The following DNAJC25 variants were observed in gnomAD, a reference collection of about 807,000 sequenced individuals.
DNAJC25 encodes the protein dnaJ homolog subfamily C member 25.
A neutral mutation model predicts 42.1 loss-of-function variants in DNAJC25; 26 were observed. The observed-to-expected ratio is 0.62, with a 90% CI of 0.45 to 0.86. The LOEUF (loss-of-function observed/expected upper bound fraction) is 0.86. DNAJC25 is among the 40% of genes least tolerant of loss of function. The probability of loss-of-function intolerance (pLI) is 0.00; values close to 1 mark genes in which losing one functional copy is unlikely to be tolerated. For synonymous variants in DNAJC25, 189 were observed against 179.9 expected (o/e 1.05, Z -0.40); for missense variants, 404 against 459.4 (o/e 0.88, Z 1.10).
chr9:111,652,699 G>A (rs528636159), intron 3 of DNAJC25, among the ~76,000 whole-genome samples: 25 of 151,528 alleles, frequency 1.6e-4, no homozygotes, highest in Non-Finnish European at 2.8e-4. Flanking sequence ...GTGCCACCAC[G>A]CCCAGCTAAT....
At chr9:111,636,187 C>T (rs952979870) in intron 1 of DNAJC25, among the ~76,000 whole-genome samples, 4 of 152,234 alleles carry the variant, frequency 2.6e-5, no homozygotes, top group South Asian at 2.1e-4. Flanking sequence ...TGATCAGGAA[C>T]GAAGTCACCA....
At chr9:111,640,762 C>G (rs1830442017) in intron 1 of DNAJC25, among the ~76,000 whole-genome samples, 1 of 111,138 alleles carries the variant, frequency 9.0e-6, no homozygotes, top group South Asian at 2.8e-4. Context: ...AGGAGCCTCT[C>G]CGCCCAGCAG....
intron 1 of DNAJC25, among the ~76,000 whole-genome samples, chr9:111,642,648 A>C (rs890729602): frequency 1.6e-4 from 22 of 137,156 alleles, no homozygotes; most frequent in Non-Finnish European, 3.1e-4. Flanking sequence ...TAAATAAAAA[A>C]TAAATGTAAA....
In DNAJC25 at chr9:111,653,587, T is replaced by A. The variant is rs778996195; in HGVS notation, c.*365T>A. 1 of 155,158 alleles carries A rather than the reference T, an allele frequency of 6.4e-6. No individual in the cohort carries two copies. Among genetic ancestry groups the A allele is most frequent in the Non-Finnish European group, 1.4e-5 (1 of 70,132 alleles). The allele number at this position is 155,158 out of a possible 1,614,324, so 9.6% of individuals were successfully genotyped here. A position where few individuals can be genotyped will look rare whatever the true frequency, so the allele number is the denominator to read the frequency against. Reference sequence around the variant, plus strand: ...TCTTTGAGAATGTTACCTTACTGTTTGTAATAGTGCTACATTTTTCTGCTT... The same window carrying A: ...TCTTTGAGAATGTTACCTTACTGTTAGTAATAGTGCTACATTTTTCTGCTT... On this transcript the variant is annotated 3_prime_UTR_variant, in exon 4 of 4. Transcript: ENST00000313525.
intron 1 of DNAJC25, among the ~76,000 whole-genome samples, chr9:111,645,799 T>G (rs1830561045): frequency 6.6e-6 from 1 of 151,306 alleles, no homozygotes; most frequent in Admixed American, 6.6e-5. Flanking sequence ...AAAAAAAACT[T>G]TTTTTTTTGG....
chr9:111,631,334 A>C lies in DNAJC25; in HGVS notation c.-74A>C. ...CGGCTGCTGACGTGTAGCTGGGGCC[A>C]GACGGGACTAGCCGGGCGCGCGGCT... On this transcript the variant is annotated 5_prime_UTR_variant, in exon 1 of 4. Transcript: ENST00000313525. The C allele has an allele frequency of 8.0e-7, 1 of 1,245,554 alleles. No homozygotes were observed. Among genetic ancestry groups the C allele is most frequent in the Non-Finnish European group, 1.0e-6 (1 of 997,304 alleles). The allele number at this position is 1,245,554 out of a possible 1,614,324, so 77.2% of individuals were successfully genotyped here. A position where few individuals can be genotyped will look rare whatever the true frequency, so the allele number is the denominator to read the frequency against.
At chr9:111,651,198 A>G (rs1453151996) in intron 3 of DNAJC25, among the ~76,000 whole-genome samples, 6 of 147,790 alleles carry the variant, frequency 4.1e-5, no homozygotes, top group African/African-American at 1.2e-4. Flanking sequence ...AGGGAGGCAG[A>G]GGTTGCAGTG....
At chr9:111,652,584 C>T (rs1407504887) in intron 3 of DNAJC25, among the ~76,000 whole-genome samples, 1 of 150,798 alleles carries the variant, frequency 6.6e-6, no homozygotes, top group African/African-American at 2.4e-5. Context: ...TCTTGTTGCC[C>T]AGGCTGGAGT....
rs771691965 is a variant in DNAJC25 at position 111,631,573 on chromosome 9, G to T, written c.166G>T (p.Val56Leu). The T allele has an allele frequency of 1.7e-5, 25 of 1,451,402 alleles. No homozygotes were observed. The Admixed American group carries it at 6.5e-4, about 38-fold the overall frequency. The allele number at this position is 1,451,402 out of a possible 1,614,324, so 89.9% of individuals were successfully genotyped here. Residue 56 changes from valine to leucine, a missense_variant, in exon 1 of 4, where the codon GTG (valine) becomes TTG (leucine). Transcript: ENST00000313525. ...GTRDCYEVLG[V>L]SRSAGKAEIA... ...GCGGGACTGCTACGAGGTGCTGGGC[G>T]TGAGCCGCTCGGCGGGCAAGGCGGA... is the stretch of plus-strand genomic sequence containing the variant.
chr9:111,647,390 A>C, intron 2 of DNAJC25, 131 bp downstream of exon 2: 1 of 1,187,962 alleles, frequency 8.4e-7, no homozygotes, highest in Non-Finnish European at 1.2e-6. Context: ...TGTTTTAGTC[A>C]TTGGCAATGT....
At position 111,649,470 on chromosome 9, in the gene DNAJC25, T is replaced by C; in HGVS notation, c.507T>C (p.Asn169=). 6.3e-7 allele frequency: 1 copy of C among 1,579,090 alleles called. No individual in the cohort carries two copies. Among genetic ancestry groups the C allele is most frequent in the Non-Finnish European group, 8.6e-7 (1 of 1,167,942 alleles). The change falls in exon 3 of 4, where the codon AAT becomes AAC. Residue 169 remains asparagine, a synonymous_variant. Coordinates refer to ENST00000313525, the MANE Select transcript of DNAJC25 (RefSeq NM_001015882.3). ...ISVFQFFSWW[N]SYNKAISYLA... is the part of the protein sequence containing the mutation. ...TATTCTAGTTTTTCAGCTGGTGGAA[T>C]AGCTACAATAAGGCAATCAGCTACC...
At position 111,649,907 on chromosome 9, in the gene DNAJC25, T is replaced by A. The variant is rs1830629786; in HGVS notation, c.944T>A (p.Ile315Asn). 3.8e-6 allele frequency: 6 copies of A among 1,579,016 alleles called. No individual in the cohort carries two copies. In the South Asian group the frequency reaches 4.8e-5, roughly 13 times the overall value. ...ACTTTTCTTAAACGAGAGCTCTGGATCAAGGAGAATTATGAGGTGAGTAGT... is the reference window on the plus strand; with the variant it reads ...ACTTTTCTTAAACGAGAGCTCTGGAACAAGGAGAATTATGAGGTGAGTAGT... Reference protein sequence around the residue: ...KETFLKRELWIKENYEVYKQE... With the variant: ...KETFLKRELWNKENYEVYKQE... Residue 315 changes from isoleucine (I) to asparagine (N), a missense_variant, in exon 3 of 4, where the codon ATC (isoleucine) becomes AAC (asparagine). By Grantham distance (149) the Ile-to-Asn change is moderately radical. Transcript: ENST00000313525.
intron 1 of DNAJC25, chr9:111,642,811 G>A (rs1830502931): frequency 2.1e-6 from 1 of 470,056 alleles, no homozygotes; most frequent in East Asian, 6.9e-5. Flanking sequence ...TTTGCTTGTG[G>A]GTTTCCTCTT....
chr9:111,640,923 G>A (rs1217190298), intron 1 of DNAJC25, among the ~76,000 whole-genome samples: 4 of 98,434 alleles, frequency 4.1e-5, no homozygotes, highest in East Asian at 3.9e-4. Flanking sequence ...CGTGCCGTCC[G>A]GCCAGCCGTG....
In DNAJC25 at chr9:111,649,763, T is replaced by G; in HGVS notation, c.800T>G (p.Ile267Ser). 6.2e-7 allele frequency: 1 copy of G among 1,614,062 alleles called. No homozygotes were observed. The highest frequency in any genetic ancestry group is 8.5e-7 in the Non-Finnish European group (1 of 1,179,994). ...TATATAGTTTGGTATTGTCGGTGGA[T>G]CTATAATTTTAACATCAAAGGCAAA... ...CSYIVWYCRW[I>S]YNFNIKGKEY... Residue 267 changes from isoleucine (I) to serine (S), a missense_variant, in exon 3 of 4, where the codon ATC becomes AGC. Ile to Ser is a moderately radical substitution (Grantham distance 142, BLOSUM62 -2). Transcript: ENST00000313525.
At chr9:111,651,944 T>TA (rs1318197984) in intron 3 of DNAJC25, among the ~76,000 whole-genome samples, 2 of 152,106 alleles carry the variant, frequency 1.3e-5, no homozygotes, top group South Asian at 2.1e-4. Flanking sequence ...AACTTTAATT[T>TA]AAAAAAATGA....
At chr9:111,631,897 C>T (rs10980986) in intron 1 of DNAJC25, among the ~76,000 whole-genome samples, 154 bp downstream of exon 1, 18,226 of 152,306 alleles carry the variant, frequency 0.12, 1,546 homozygotes, top group East Asian at 0.37. Context: ...TCCCACGTGG[C>T]CCTGTGAAAG....
intron 1 of DNAJC25, 130 bp downstream of exon 1, chr9:111,631,873 A>C: frequency 7.2e-7 from 1 of 1,385,180 alleles, no homozygotes; most frequent in Non-Finnish European, 9.3e-7. Context: ...CGCGACCTTT[A>C]AGATACTCAC....
chr9:111,637,851 C>T (rs1830387037), intron 1 of DNAJC25, among the ~76,000 whole-genome samples: 1 of 152,250 alleles, frequency 6.6e-6, no homozygotes, highest in South Asian at 2.1e-4. Context: ...GTCTGTTTCT[C>T]CTGTCCTCGC....
Sources: allele counts gnomAD v4.1 joint callset (sites outside exome capture counted in the v4.1 genomes callset), GRCh38; gene constraint gnomAD v4.1.1; transcripts MANE v1.5; gene names NCBI Gene and HGNC (gene_info 2026-07-23, HGNC 2026-07-21).